KLHL1: variants seen among roughly 807,000 people sequenced by gnomAD.
KLHL1 encodes the protein kelch-like protein 1.
KLHL1 carries 47 observed loss-of-function variants against 77.7 expected under a neutral mutation model. That is an observed-to-expected ratio of 0.60 (90% CI 0.48 to 0.77). The LOEUF is 0.77. KLHL1 is among the 30% of genes least tolerant of loss of function. KLHL1 has a pLI of 0.00. For synonymous variants in KLHL1, 360 were observed against 325.2 expected, an observed-to-expected ratio of 1.11 and a Z score of -1.15; for missense variants, 925 against 910.8, an observed-to-expected ratio of 1.02 and a Z score of -0.20.
At chr13:69,983,862 A>G (rs1217202099) in intron 1 of KLHL1, among the ~76,000 whole-genome samples, 2 of 151,848 alleles carry the variant, frequency 1.3e-5, no homozygotes, top group Non-Finnish European at 2.9e-5. Flanking sequence ...CCAATGGAAC[A>G]GACTAGAGAA....
chr13:69,762,772 T>A (rs868212524), intron 7 of KLHL1, among the ~76,000 whole-genome samples: 3 of 151,142 alleles, frequency 2.0e-5, no homozygotes, highest in African/African-American at 7.3e-5. Flanking sequence ...TTTTCTTATG[T>A]CTCTATGAAC....
intron 1 of KLHL1, among the ~76,000 whole-genome samples, chr13:70,067,167 A>G (rs1191062301): frequency 7.2e-5 from 11 of 152,200 alleles, no homozygotes; most frequent in Admixed American, 5.2e-4. Context: ...TCAACCTAAA[A>G]CACACTAATA....
intron 1 of KLHL1, among the ~76,000 whole-genome samples, chr13:70,039,572 G>A (rs906464990): frequency 1.4e-5 from 2 of 141,554 alleles, no homozygotes; most frequent in South Asian, 2.3e-4. Context: ...ATTTTATTTA[G>A]TTTTTTTTTC....
chr13:69,820,023 C>T (rs983160194), intron 6 of KLHL1, among the ~76,000 whole-genome samples: 1 of 152,042 alleles, frequency 6.6e-6, no homozygotes, highest in Non-Finnish European at 1.5e-5. Context: ...GAGAGCAGTC[C>T]CTCTAAGAAT....
At chr13:70,080,381 C>T (rs770133266) in intron 1 of KLHL1, among the ~76,000 whole-genome samples, 3 of 152,098 alleles carry the variant, frequency 2.0e-5, no homozygotes, top group African/African-American at 4.8e-5. Context: ...ATTAGAGGAA[C>T]GATCTTTAAA....
In KLHL1 at chr13:69,890,644, A is replaced by ATG. The variant is rs565660756; in HGVS notation, c.1015-8150_1015-8149insCA. 4.7e-3 allele frequency among the ~76,000 whole-genome samples: 686 copies of ATG among 145,430 alleles called. 7 individuals are homozygous for ATG. The highest frequency in any genetic ancestry group is 0.017 in the African/African-American group (645 of 37,656). On this transcript the variant is annotated intron_variant, in intron 4 of 10. Transcript: ENST00000377844. ...ATTAATATTTTTCTTCCACACACAC[A>ATG]CGCACACACACACACACACACAGAT...
intron 1 of KLHL1, among the ~76,000 whole-genome samples, chr13:69,984,396 G>C (rs989380227): frequency 6.6e-5 from 10 of 152,192 alleles, no homozygotes; most frequent in Admixed American, 2.6e-4. Context: ...CAACATGGCA[G>C]ATCCATCTTC....
At chr13:70,026,703 G>GGT (rs3072710) in intron 1 of KLHL1, among the ~76,000 whole-genome samples, 865 of 85,282 alleles carry the variant, frequency 0.01, 9 homozygotes, top group African/African-American at 0.018. Context: ...AAGAACTTAG[G>GGT]GTGTGTGTGT....
chr13:69,854,974 A>G (rs939737282), intron 5 of KLHL1, among the ~76,000 whole-genome samples: 5 of 152,054 alleles, frequency 3.3e-5, no homozygotes, highest in Non-Finnish European at 7.4e-5. Flanking sequence ...TTGGCTATGA[A>G]TATTTAATGA....
At chr13:70,015,309 C>T (rs778427053) in intron 1 of KLHL1, among the ~76,000 whole-genome samples, 1 of 152,054 alleles carries the variant, frequency 6.6e-6, no homozygotes, top group Non-Finnish European at 1.5e-5. Context: ...ATACTGAATA[C>T]TGTGGGCAAT....
chr13:69,916,884 A>T (rs1452715767), intron 4 of KLHL1, among the ~76,000 whole-genome samples: 1 of 152,098 alleles, frequency 6.6e-6, no homozygotes, highest in Non-Finnish European at 1.5e-5. Context: ...TTATCAGAAT[A>T]TTGGTATTTT....
chr13:69,740,635 T>A, intron 7 of KLHL1, 79 bp from the exon 8 acceptor site: 1 of 1,070,678 alleles, frequency 9.3e-7, no homozygotes, highest in Non-Finnish European at 1.3e-6. Context: ...AGTGGGTAGA[T>A]CTCATGTTAA....
intron 4 of KLHL1, among the ~76,000 whole-genome samples, chr13:69,893,816 TAC>T (rs1226577772): frequency 1.1e-4 from 17 of 152,208 alleles, no homozygotes; most frequent in African/African-American, 3.6e-4. Flanking sequence ...ATTATAAATA[TAC>T]AGTTATTTAC....
intron 1 of KLHL1, among the ~76,000 whole-genome samples, chr13:70,038,998 C>A (rs538146847): frequency 1.3e-4 from 19 of 151,148 alleles, no homozygotes; most frequent in Admixed American, 1.3e-3. Context: ...AATTTTTGGC[C>A]ATTTTTATAT....
At chr13:70,071,632 T>C (rs1887139544) in intron 1 of KLHL1, among the ~76,000 whole-genome samples, 1 of 151,842 alleles carries the variant, frequency 6.6e-6, no homozygotes, top group African/African-American at 2.4e-5. Context: ...ATGAAAAGTA[T>C]GCTCTCAGAC....
At chr13:69,920,768 A>G (rs1451136387) in intron 4 of KLHL1, among the ~76,000 whole-genome samples, 1 of 152,100 alleles carries the variant, frequency 6.6e-6, no homozygotes, top group Non-Finnish European at 1.5e-5. Context: ...TGCTCTTAAG[A>G]AAAATAAGAG....
intron 8 of KLHL1, among the ~76,000 whole-genome samples, chr13:69,723,385 TTTG>T (rs1265191274): frequency 2.0e-5 from 3 of 152,220 alleles, no homozygotes; most frequent in Non-Finnish European, 4.4e-5. Flanking sequence ...AATTACCTAA[TTTG>T]TTCATTAGAC....
At chr13:69,808,347 C>A (rs1369199808) in intron 6 of KLHL1, among the ~76,000 whole-genome samples, 1 of 152,054 alleles carries the variant, frequency 6.6e-6, no homozygotes, top group African/African-American at 2.4e-5. Flanking sequence ...TTAAGGACCA[C>A]CTAGTAGACT....
intron 6 of KLHL1, among the ~76,000 whole-genome samples, chr13:69,814,597 A>T (rs995081043): frequency 2.0e-5 from 3 of 152,210 alleles, no homozygotes; most frequent in African/African-American, 7.2e-5. Flanking sequence ...GATACATCTC[A>T]ATAGAAACAT....
Sources: allele counts gnomAD v4.1 joint callset (sites outside exome capture counted in the v4.1 genomes callset), GRCh38; gene constraint gnomAD v4.1.1; transcripts MANE v1.5; gene names NCBI Gene and HGNC (gene_info 2026-07-23, HGNC 2026-07-21).